The following NRG3 variants were observed in gnomAD, a reference collection of about 807,000 sequenced individuals.
The protein encoded by NRG3 is pro-neuregulin-3, membrane-bound isoform.
NRG3 carries 31 observed loss-of-function variants against 66.9 expected under a neutral mutation model. The ratio of observed to expected loss-of-function variants is 0.46; its 90% CI spans 0.35 to 0.63. NRG3 has a LOEUF of 0.63. Ranked by LOEUF, NRG3 falls within the 20% of genes least tolerant of loss-of-function variation. The probability of loss-of-function intolerance (pLI) is 0.00; values close to 1 mark genes in which losing one functional copy is unlikely to be tolerated. For missense variants in NRG3, 910 were observed against 878.9 expected, an observed-to-expected ratio of 1.04 and a Z score of -0.45; for synonymous variants, 393 against 359.4, an observed-to-expected ratio of 1.09 and a Z score of -1.06.
intron 3 of NRG3, among the ~76,000 whole-genome samples, chr10:82,747,600 C>A (rs1243486219): frequency 6.6e-6 from 1 of 151,736 alleles, no homozygotes; most frequent in Non-Finnish European, 1.5e-5. Context: ...ATCCTTTTTT[C>A]ACTTGTTTAT....
At chr10:82,622,687 GC>G (rs2133627551) in intron 2 of NRG3, among the ~76,000 whole-genome samples, 1 of 152,324 alleles carries the variant, frequency 6.6e-6, no homozygotes, top group Admixed American at 6.5e-5. Flanking sequence ...CTCCCAGCCA[GC>G]CAGGCAATCT....
intron 2 of NRG3, among the ~76,000 whole-genome samples, chr10:82,547,603 A>G (rs151233651): frequency 9.9e-5 from 15 of 151,646 alleles, no homozygotes; most frequent in Non-Finnish European, 5.9e-5. Flanking sequence ...ATATGTATGT[A>G]TATATGTACA....
intron 2 of NRG3, among the ~76,000 whole-genome samples, chr10:82,683,199 C>T (rs1340899028): frequency 5.9e-5 from 9 of 152,052 alleles, no homozygotes; most frequent in Admixed American, 3.3e-4. Flanking sequence ...TCGTGATCCA[C>T]CCGCCTCGGC....
chr10:81,888,698 TAGAC>T (rs1461438218), intron 1 of NRG3, among the ~76,000 whole-genome samples: 1 of 152,138 alleles, frequency 6.6e-6, no homozygotes, highest in Non-Finnish European at 1.5e-5. Context: ...TCTGACCTGG[TAGAC>T]AGACGGCCTC....
intron 2 of NRG3, among the ~76,000 whole-genome samples, chr10:82,401,731 G>T (rs546271888): frequency 2.6e-5 from 4 of 151,984 alleles, no homozygotes; most frequent in Admixed American, 1.3e-4. Flanking sequence ...TGAATTATTT[G>T]ATGTTCTTAT....
intron 1 of NRG3, among the ~76,000 whole-genome samples, chr10:81,893,351 A>T (rs1843206961): frequency 6.6e-6 from 1 of 152,222 alleles, no homozygotes; most frequent in African/African-American, 2.4e-5. Flanking sequence ...ATATTAAAAC[A>T]TAATGAGTGT....
rs545413775 is a variant in NRG3 at position 82,361,941 on chromosome 10, A to G, written c.953+3073A>G. On this transcript the variant is annotated intron_variant, in intron 2 of 8. Coordinates refer to ENST00000372141, the MANE Select transcript of NRG3 (RefSeq NM_001010848.4). ...ATTTCCTAGATTAAAAAAAATTGTA[A>G]TCCTATAATAAACTGCATCAAATAT... Among the ~76,000 whole-genome samples the G allele has an allele frequency of 6.6e-5, 10 of 152,100 alleles. No homozygotes were observed. The South Asian group carries it at 2.1e-3, about 32-fold the overall frequency.
intron 2 of NRG3, among the ~76,000 whole-genome samples, chr10:82,455,951 T>A (rs187192185): frequency 6.6e-6 from 1 of 152,276 alleles, no homozygotes. Context: ...AAATTTTATC[T>A]ATTCAATAAT....
At chr10:82,804,021 G>A (rs752367643) in intron 3 of NRG3, among the ~76,000 whole-genome samples, 11 of 152,056 alleles carry the variant, frequency 7.2e-5, no homozygotes, top group Non-Finnish European at 1.2e-4. Flanking sequence ...GCACATCCGC[G>A]CCATCCGTGC....
chr10:82,011,582 C>T (rs1168395383), intron 1 of NRG3, among the ~76,000 whole-genome samples: 1 of 152,188 alleles, frequency 6.6e-6, no homozygotes, highest in Non-Finnish European at 1.5e-5. Flanking sequence ...GTCCCTTCCA[C>T]CTATGAGCCT....
chr10:82,525,457 A>T (rs1846606990), intron 2 of NRG3, among the ~76,000 whole-genome samples: 1 of 151,028 alleles, frequency 6.6e-6, no homozygotes, highest in South Asian at 2.1e-4. Context: ...TTTCGTATTC[A>T]TTTCAAACCC....
intron 1 of NRG3, among the ~76,000 whole-genome samples, chr10:82,113,589 C>T (rs1277628220): frequency 6.6e-6 from 1 of 152,070 alleles, no homozygotes; most frequent in Non-Finnish European, 1.5e-5. Flanking sequence ...CCTGCTGAAT[C>T]GATGCAACAT....
At chr10:81,884,612 A>T (rs1029282628) in intron 1 of NRG3, among the ~76,000 whole-genome samples, 7 of 152,216 alleles carry the variant, frequency 4.6e-5, no homozygotes, top group Admixed American at 3.9e-4. Context: ...CATAGCATTT[A>T]CACTGCTTGT....
chr10:82,860,334 G>T (rs1435285951), intron 3 of NRG3, among the ~76,000 whole-genome samples: 1 of 152,258 alleles, frequency 6.6e-6, no homozygotes, highest in East Asian at 1.9e-4. Flanking sequence ...AAAGCAACTT[G>T]TTCTCTTAAG....
intron 1 of NRG3, among the ~76,000 whole-genome samples, chr10:82,123,930 T>G (rs902233545): frequency 2.6e-5 from 4 of 151,944 alleles, no homozygotes; most frequent in African/African-American, 7.2e-5. Flanking sequence ...CAATTTCATT[T>G]GACATCTGAT....
At chr10:82,628,465 T>C (rs2049579266) in intron 2 of NRG3, among the ~76,000 whole-genome samples, 1 of 152,136 alleles carries the variant, frequency 6.6e-6, no homozygotes, top group African/African-American at 2.4e-5. Context: ...CACCATCCCA[T>C]GGAACTAGAA....
At chr10:82,512,930 T>C (rs1438586604) in intron 2 of NRG3, among the ~76,000 whole-genome samples, 1 of 152,206 alleles carries the variant, frequency 6.6e-6, no homozygotes, top group African/African-American at 2.4e-5. Flanking sequence ...AATATTCCAC[T>C]GCATGGGTAT....
chr10:82,965,127 A>G (rs1361719477), intron 6 of NRG3, among the ~76,000 whole-genome samples: 1 of 152,214 alleles, frequency 6.6e-6, no homozygotes, highest in Non-Finnish European at 1.5e-5. Flanking sequence ...AACAAAAAAC[A>G]CTTGAGCTAA....
chr10:82,919,742 A>G (rs937599763), intron 4 of NRG3, among the ~76,000 whole-genome samples: 4 of 152,190 alleles, frequency 2.6e-5, no homozygotes, highest in Non-Finnish European at 5.9e-5. Flanking sequence ...ACTTTACACA[A>G]AGTGAAGAAT....
Sources: gnomAD v4.1 joint callset for allele counts (sites outside exome capture counted in the v4.1 genomes callset) on GRCh38, gnomAD v4.1.1 for gene constraint, MANE v1.5 for transcripts, NCBI Gene and HGNC (gene_info 2026-07-23, HGNC 2026-07-21) for gene names.